The following TNRC6A variants were observed in gnomAD, a reference collection of about 807,000 sequenced individuals.
TNRC6A encodes the protein trinucleotide repeat containing adaptor 6A.
TNRC6A carries 44 observed loss-of-function variants against 221.2 expected under a neutral mutation model. The ratio of observed to expected loss-of-function variants is 0.20; its 90% confidence interval spans 0.16 to 0.26. TNRC6A has a LOEUF of 0.26. TNRC6A is among the 10% of genes least tolerant of loss of function. TNRC6A has a pLI of 1.00. For synonymous variants in TNRC6A, 847 were observed against 838.5 expected (o/e 1.01, Z -0.18); for missense variants, 2,199 against 2,404.4 (o/e 0.91, Z 1.79).
intron 6 of TNRC6A, among the ~76,000 whole-genome samples, chr16:24,792,152 A>G (rs1227334779): frequency 6.6e-6 from 1 of 152,230 alleles, no homozygotes. Context: ...TATCTCCAGA[A>G]ATAAAACAAG....
intron 11 of TNRC6A, among the ~76,000 whole-genome samples, chr16:24,799,434 C>G (rs1567496465): frequency 6.6e-6 from 1 of 152,186 alleles, no homozygotes; most frequent in African/African-American, 2.4e-5. Flanking sequence ...TTCTTTCTTG[C>G]AAGTGAAGAA....
intron 2 of TNRC6A, among the ~76,000 whole-genome samples, chr16:24,652,754 T>C (rs1902743408): frequency 6.6e-6 from 1 of 152,194 alleles, no homozygotes; most frequent in South Asian, 2.1e-4. Flanking sequence ...AACGTGCCTG[T>C]CTTTACATTA....
chr16:24,736,038 G>A (rs1209735311), intron 2 of TNRC6A, among the ~76,000 whole-genome samples: 1 of 152,162 alleles, frequency 6.6e-6, no homozygotes, highest in African/African-American at 2.4e-5. Flanking sequence ...GGTGGCACAT[G>A]CCTGTAATCC....
At chr16:24,738,669 T>A (rs2056825145) in intron 2 of TNRC6A, among the ~76,000 whole-genome samples, 1 of 152,214 alleles carries the variant, frequency 6.6e-6, no homozygotes, top group South Asian at 2.1e-4. Context: ...TATTGCCCAT[T>A]TTGTTTGTCC....
intron 2 of TNRC6A, chr16:24,661,901 T>C (rs1481065385): frequency 2.0e-5 from 3 of 152,080 alleles, no homozygotes; most frequent in African/African-American, 7.2e-5. Context: ...CCCCAAAAGG[T>C]ATAAGATATC....
chr16:24,633,722 C>T (rs1901472633), intron 1 of TNRC6A, among the ~76,000 whole-genome samples: 1 of 151,744 alleles, frequency 6.6e-6, no homozygotes, highest in African/African-American at 2.4e-5. Flanking sequence ...GTTTTCTGTG[C>T]CTCCACACAC....
intron 2 of TNRC6A, among the ~76,000 whole-genome samples, chr16:24,686,236 G>A (rs1436999116): frequency 1.3e-5 from 2 of 152,116 alleles, no homozygotes; most frequent in Non-Finnish European, 2.9e-5. Context: ...AAAAGCCTGG[G>A]GTGGAGACGG....
At chr16:24,652,495 G>T (rs1902728581) in intron 2 of TNRC6A, among the ~76,000 whole-genome samples, 1 of 152,136 alleles carries the variant, frequency 6.6e-6, no homozygotes, top group Non-Finnish European at 1.5e-5. Flanking sequence ...ATCCCAAGCT[G>T]CTATTACATT....
At chr16:24,810,188 T>G (rs2058514401) in intron 18 of TNRC6A, among the ~76,000 whole-genome samples, 1 of 152,266 alleles carries the variant, frequency 6.6e-6, no homozygotes, top group Admixed American at 6.5e-5. Flanking sequence ...GTAAGTCATA[T>G]GGATTTAACA....
chr16:24,811,976 T>TGATTCTAAG (rs1292525680), intron 18 of TNRC6A, among the ~76,000 whole-genome samples: 4 of 149,402 alleles, frequency 2.7e-5, no homozygotes, highest in African/African-American at 9.9e-5. Context: ...AACAGACCTT[T>TGATTCTAAG]GATTCTAAGT....
At position 24,823,056 on chromosome 16, in the gene TNRC6A, A is replaced by T; in HGVS notation, c.5513+43A>T. On this transcript the variant is annotated intron_variant, in intron 24 of 24. Coordinates refer to ENST00000395799, the MANE Select transcript of TNRC6A (RefSeq NM_014494.4). This position sits in a 1 kb window ranked among gnomAD's most constrained non-coding sequence, Gnocchi z 4.3. ...CTCCCAGTTGGAAGAGTCTAGGGGA[A>T]GGAGTGTGAGAGCACAGCCTGACCC... 6.2e-7 allele frequency: 1 copy of T among 1,613,380 alleles called. No homozygotes were observed. The highest frequency in any genetic ancestry group is 1.3e-5 in the African/African-American group (1 of 75,068).
chr16:24,656,383 C>T (rs1304516704), intron 2 of TNRC6A, among the ~76,000 whole-genome samples: 1 of 149,596 alleles, frequency 6.7e-6, no homozygotes, highest in African/African-American at 2.4e-5. Context: ...AGGAGAATCG[C>T]TTGAACCCGG....
At chr16:24,756,492 T>C (rs1054734879) in intron 3 of TNRC6A, among the ~76,000 whole-genome samples, 1 of 152,158 alleles carries the variant, frequency 6.6e-6, no homozygotes, top group Admixed American at 6.6e-5. Context: ...TAAATCCGAT[T>C]CTTAGGGGCA....
At chr16:24,809,260 T>C (rs1447203134) in intron 17 of TNRC6A, 90 bp from the exon 18 acceptor site, 2 of 1,178,320 alleles carry the variant, frequency 1.7e-6, no homozygotes, top group East Asian at 5.2e-5. Context: ...AAACATTAGT[T>C]ACATGTTTTT....
chr16:24,819,516 T>G (rs1465321616), intron 21 of TNRC6A: 2 of 143,940 alleles, frequency 1.4e-5, no homozygotes, highest in East Asian at 2.2e-4. Flanking sequence ...TCTTTTTTTT[T>G]TGTTTTTTTG....
chr16:24,821,979 A>T, intron 22 of TNRC6A, 98 bp from the exon 23 acceptor site: 1 of 1,123,946 alleles, frequency 8.9e-7, no homozygotes, highest in Non-Finnish European at 1.3e-6. Context: ...AAGTGCAAGG[A>T]AGTGAAGGAA....
At chr16:24,625,417 G>T (rs1026059711) in intron 1 of TNRC6A, among the ~76,000 whole-genome samples, 1 of 151,972 alleles carries the variant, frequency 6.6e-6, no homozygotes, top group South Asian at 2.1e-4. Flanking sequence ...TTCGAGACCA[G>T]CCTGACCAAC....
chr16:24,773,520 A>T (rs987465200), intron 4 of TNRC6A, among the ~76,000 whole-genome samples: 2 of 152,246 alleles, frequency 1.3e-5, no homozygotes, highest in Non-Finnish European at 1.5e-5. Context: ...GCTGTATGGC[A>T]TGCATGTGTG....
At position 24,791,568 on chromosome 16, in the gene TNRC6A, C is replaced by G; in HGVS notation, c.2926C>G (p.Pro976Ala). The change falls in exon 6 of 25, where the codon CCA becomes GCA. Residue 976 changes from proline to alanine, a missense_variant. Pro to Ala is a conservative substitution (Grantham distance 27). Coordinates refer to ENST00000395799, the MANE Select transcript of TNRC6A (RefSeq NM_014494.4). ...TACAGGCTGGCTGGGGGGACCTATA[C>G]CAGCCCCAGCAAAAGAAGAAGAACC... ...PGTGWLGGPI[P>A]APAKEEEPTG... 6.4e-7 allele frequency: 1 copy of G among 1,571,336 alleles called. No individual in the cohort carries two copies. Among genetic ancestry groups the G allele is most frequent in the African/African-American group, 1.4e-5 (1 of 73,364 alleles).
Sources: gnomAD v4.1 joint callset for allele counts (sites outside exome capture counted in the v4.1 genomes callset) on GRCh38, gnomAD v4.1.1 for gene constraint, Gnocchi (gnomAD v3.1) non-coding constraint, MANE v1.5 for transcripts, NCBI Gene and HGNC (gene_info 2026-07-23, HGNC 2026-07-21) for gene names.